Variants in GXYLT2 observed in about 807,000 individuals in gnomAD.
GXYLT2 encodes glucoside xylosyltransferase 2, also known as glycosyltransferase 8 domain containing 4.
Under a neutral mutation model 45.8 loss-of-function variants are expected in GXYLT2, and 53 were observed. That is an observed-to-expected ratio of 1.16 (90% CI 0.93 to 1.46). The LOEUF is 1.46. Ranked by LOEUF, GXYLT2 falls within the 40% of genes most tolerant of loss-of-function variation. The pLI is 0.00. For missense variants in GXYLT2, 551 were observed against 544.4 expected (o/e 1.01, Z -0.12); for synonymous variants, 219 against 214.2 (o/e 1.02, Z -0.19).
rs1209809791 is a variant in GXYLT2 at position 72,958,402 on chromosome 3, G to A, written c.976+1050G>A. Among the ~76,000 whole-genome samples the A allele has an allele frequency of 4.7e-5, 7 of 149,802 alleles. 1 individual carries two copies. Among genetic ancestry groups the A allele is most frequent in the Non-Finnish European group, 1.0e-4 (7 of 67,756 alleles). On this transcript the variant is annotated intron_variant, in intron 5 of 6. Coordinates refer to ENST00000389617, the MANE Select transcript of GXYLT2 (RefSeq NM_001080393.2). ...TAAAAATCCTGAAGTAGAGACTGCTGTTCAGAAAGACTTTGCCTGTGTTTG... is the reference window on the plus strand; with the variant it reads ...TAAAAATCCTGAAGTAGAGACTGCTATTCAGAAAGACTTTGCCTGTGTTTG...
chr3:72,967,787 AC>A (rs1710895720), intron 6 of GXYLT2, 68 bp downstream of exon 6: 1 of 1,406,506 alleles, frequency 7.1e-7, no homozygotes, highest in East Asian at 2.4e-5. Context: ...CGCTTTAGTC[AC>A]CTGTCCCTTT....
intron 1 of GXYLT2, among the ~76,000 whole-genome samples, chr3:72,889,169 A>G (rs72878552): frequency 0.021 from 3,196 of 152,182 alleles, 107 homozygotes; most frequent in African/African-American, 0.07. Flanking sequence ...TTCCCTACAC[A>G]AAGCCTAACA....
intron 1 of GXYLT2, among the ~76,000 whole-genome samples, chr3:72,897,140 A>AT (rs1709308696): frequency 6.6e-6 from 1 of 152,196 alleles, no homozygotes; most frequent in South Asian, 2.1e-4. Flanking sequence ...AGGAACTCAT[A>AT]TTGGATAGGG....
chr3:72,894,146 T>G lies in GXYLT2; in HGVS notation c.275+5638T>G, dbSNP rs759102127. ...ACCATATTCATAAGGGAATCGCCTT[T>G]AGGATGAAGCCATCTGTTTGGGCAG... On this transcript the variant is annotated intron_variant, in intron 1 of 6. Transcript: ENST00000389617. 4.7e-4 allele frequency among the ~76,000 whole-genome samples: 72 copies of G among 152,332 alleles called. 1 individual carries two copies. The highest frequency in any genetic ancestry group is 3.4e-3 in the Middle Eastern group (1 of 294).
At chr3:72,928,484 G>C (rs920463101) in intron 3 of GXYLT2, among the ~76,000 whole-genome samples, 2 of 152,158 alleles carry the variant, frequency 1.3e-5, no homozygotes, top group East Asian at 1.9e-4. Context: ...GGGAGGCACA[G>C]GCCATCAGCA....
intron 2 of GXYLT2, among the ~76,000 whole-genome samples, chr3:72,921,022 T>C (rs190803035): frequency 1.3e-5 from 2 of 152,022 alleles, no homozygotes; most frequent in South Asian, 2.1e-4. Flanking sequence ...GGTTTCGCCA[T>C]GTTGGCCAGG....
intron 2 of GXYLT2, among the ~76,000 whole-genome samples, chr3:72,914,564 T>G (rs921580139): frequency 1.3e-5 from 2 of 151,332 alleles, no homozygotes; most frequent in African/African-American, 4.9e-5. Context: ...CGCGCTTGCG[T>G]GCGCATGTAT....
At chr3:72,893,468 T>A (rs912957078) in intron 1 of GXYLT2, among the ~76,000 whole-genome samples, 4 of 152,204 alleles carry the variant, frequency 2.6e-5, no homozygotes, top group African/African-American at 9.7e-5. Context: ...CTCTTCTTCC[T>A]TACCCTGTGT....
intron 3 of GXYLT2, 35 bp from the exon 4 acceptor site, chr3:72,955,062 TC>T: frequency 6.2e-7 from 1 of 1,601,330 alleles, no homozygotes; most frequent in Non-Finnish European, 8.5e-7. Context: ...TTTTCTTCCC[TC>T]CTCTCCCCTT....
chr3:72,922,979 G>T (rs890762285), intron 3 of GXYLT2, among the ~76,000 whole-genome samples: 1 of 152,076 alleles, frequency 6.6e-6, no homozygotes, highest in African/African-American at 2.4e-5. Context: ...ATTAGGCGGG[G>T]TGTGTTGGCT....
At chr3:72,962,686 A>G (rs1282053949) in intron 5 of GXYLT2, among the ~76,000 whole-genome samples, 3 of 152,218 alleles carry the variant, frequency 2.0e-5, no homozygotes, top group Non-Finnish European at 4.4e-5. Context: ...TACTGGTTTC[A>G]TGAAGCCTAC....
chr3:72,944,593 A>G (rs571816158), intron 3 of GXYLT2, among the ~76,000 whole-genome samples: 4 of 152,138 alleles, frequency 2.6e-5, no homozygotes, highest in African/African-American at 9.6e-5. Context: ...CTTGGCACAA[A>G]AAGAGTGTTT....
Position 72,975,232 on chromosome 3 carries a change from C to G in GXYLT2, c.*73C>G, listed in dbSNP as rs1711074091. 8.5e-7 allele frequency: 1 copy of G among 1,172,884 alleles called. No homozygotes were observed. Among genetic ancestry groups the G allele is most frequent in the Non-Finnish European group, 1.2e-6 (1 of 841,728 alleles). The allele number at this position is 1,172,884 out of a possible 1,614,324, so 72.7% of individuals were successfully genotyped here. On this transcript the variant is annotated 3_prime_UTR_variant, in exon 7 of 7. Coordinates refer to ENST00000389617, the MANE Select transcript of GXYLT2 (RefSeq NM_001080393.2). ...ATACTAATCTCTAAGCTGCCTGGGT[C>G]TTTTTGTGTGAATATTTAATGGTGC...
At chr3:72,914,034 G>A (rs1005598853) in intron 2 of GXYLT2, among the ~76,000 whole-genome samples, 3 of 152,076 alleles carry the variant, frequency 2.0e-5, no homozygotes, top group Admixed American at 6.6e-5. Flanking sequence ...TGAAGGGGTG[G>A]GCTCTGTCAC....
chr3:72,911,718 T>A (rs1032959546), intron 2 of GXYLT2, among the ~76,000 whole-genome samples: 1 of 152,156 alleles, frequency 6.6e-6, no homozygotes, highest in African/African-American at 2.4e-5. Flanking sequence ...ACCCAGCTTG[T>A]ACATTCTCAA....
intron 3 of GXYLT2, among the ~76,000 whole-genome samples, chr3:72,945,350 A>G (rs1412198382): frequency 6.6e-6 from 1 of 152,208 alleles, no homozygotes; most frequent in Non-Finnish European, 1.5e-5. Flanking sequence ...CAACAGTTGA[A>G]TTCCTTAGCT....
At chr3:72,957,184 G>A (rs759961026) in intron 4 of GXYLT2, 45 bp from the exon 5 acceptor site, 15 of 1,573,586 alleles carry the variant, frequency 9.5e-6, no homozygotes, top group Non-Finnish European at 8.6e-6. Context: ...TGGACAAAAT[G>A]TATTTGCTTT....
chr3:72,888,483 G>T lies in GXYLT2; in HGVS notation c.250G>T (p.Ala84Ser). 8.0e-7 allele frequency: 1 copy of T among 1,252,140 alleles called. No individual in the cohort carries two copies. 77.6% of individuals were successfully genotyped at this position (1,252,140 alleles called of 1,614,324 possible). ...RPRPRAGRRG[A>S]ARLEKLARRP... ...GCGCCCCCGAGCGGGCCGCCGGGGC[G>T]CTGCGAGACTGGAGAAGTTGGCGAG... The change falls in exon 1 of 7, where the codon GCT becomes TCT. Residue 84 changes from alanine to serine, a missense_variant. Physicochemically the swap from Ala to Ser is moderately conservative, Grantham distance 99 (BLOSUM62 1). Coordinates refer to ENST00000389617, the MANE Select transcript of GXYLT2 (RefSeq NM_001080393.2).
intron 3 of GXYLT2, among the ~76,000 whole-genome samples, chr3:72,943,922 T>C (rs1439680520): frequency 6.7e-6 from 1 of 150,222 alleles, no homozygotes. Flanking sequence ...GGGCTCAAGC[T>C]GTCCTCCCAT....
Sources: gnomAD v4.1 joint callset for allele counts (sites outside exome capture counted in the v4.1 genomes callset) on GRCh38, gnomAD v4.1.1 for gene constraint, MANE v1.5 for transcripts, NCBI Gene and HGNC (gene_info 2026-07-23, HGNC 2026-07-21) for gene names.